Variants in DLGAP1 observed in about 807,000 individuals in gnomAD.
The protein encoded by DLGAP1 is disks large-associated protein 1.
Under a neutral mutation model 90.8 loss-of-function variants are expected in DLGAP1, and 11 were observed. That is an observed-to-expected ratio of 0.12 (90% CI 0.08 to 0.20). The LOEUF (loss-of-function observed/expected upper bound fraction) is 0.20, where lower values mean the gene tolerates loss of function less well. DLGAP1 is among the 10% of genes least tolerant of loss of function. DLGAP1 has a pLI of 1.00. For missense variants in DLGAP1, 1,050 were observed against 1,333.8 expected (o/e 0.79, Z 3.31); for synonymous variants, 558 against 540.7 (o/e 1.03, Z -0.44).
At chr18:4,215,273 G>A (rs762979206) in intron 1 of DLGAP1, among the ~76,000 whole-genome samples, 19 of 152,022 alleles carry the variant, frequency 1.2e-4, no homozygotes, top group Non-Finnish European at 1.9e-4. Context: ...GTATCACCAC[G>A]AAGTATCTTA....
rs144373294 is a variant in DLGAP1 at position 3,497,127 on chromosome 18, G to C, written c.*2058C>G. On this transcript the variant is annotated 3_prime_UTR_variant, in exon 13 of 13. Transcript: ENST00000315677. The stretch of plus-strand genomic sequence containing the variant: ...AACGCTGCTTCTTTCATATTAATCT[G>C]TGAGTTCCAAGTCATTCTCAGTATT... The C allele has an allele frequency of 1.3e-5, 2 of 152,166 alleles. No individual in the cohort carries two copies. The highest frequency in any genetic ancestry group is 6.5e-5 in the Admixed American group (1 of 15,274). 9.4% of individuals were successfully genotyped at this position (152,166 alleles called of 1,614,324 possible). A position where few individuals can be genotyped will look rare whatever the true frequency, so the allele number is the denominator to read the frequency against.
In DLGAP1 at chr18:3,542,635, C is replaced by T. The variant is rs554726985; in HGVS notation, c.2058-8020G>A. Among the ~76,000 whole-genome samples the T allele has an allele frequency of 1.1e-4, 16 of 152,306 alleles. No homozygotes were observed. The South Asian group carries it at 3.3e-3, about 32-fold the overall frequency. Reference sequence around the variant, plus strand: ...TGTTATGAGACCAGTAGCTTCTTTGCATACCCCCAAGAATGACAGTTGTCA... The same window carrying T: ...TGTTATGAGACCAGTAGCTTCTTTGTATACCCCCAAGAATGACAGTTGTCA... On this transcript the variant is annotated intron_variant, in intron 9 of 12. Coordinates refer to ENST00000315677, the MANE Select transcript of DLGAP1 (RefSeq NM_004746.4).
chr18:4,303,820 A>T (rs1366612183), intron 1 of DLGAP1, among the ~76,000 whole-genome samples: 1 of 152,220 alleles, frequency 6.6e-6, no homozygotes. Context: ...TATTAGAAGA[A>T]GGAGAAATGC....
chr18:3,761,616 C>T (rs1215277160), intron 5 of DLGAP1, among the ~76,000 whole-genome samples: 3 of 151,346 alleles, frequency 2.0e-5, no homozygotes, highest in African/African-American at 7.3e-5. Context: ...CACTCTGTTG[C>T]CCAGGCTGGA....
chr18:3,929,009 C>T (rs7234490), intron 3 of DLGAP1, among the ~76,000 whole-genome samples: 4,152 of 152,206 alleles, frequency 0.027, 192 homozygotes, highest in African/African-American at 0.094. Context: ...TTTGCTCTGT[C>T]TTCCTCCTGC....
intron 3 of DLGAP1, among the ~76,000 whole-genome samples, chr18:3,915,288 G>A (rs1157515448): frequency 6.6e-6 from 1 of 152,128 alleles, no homozygotes; most frequent in Non-Finnish European, 1.5e-5. Flanking sequence ...AGTTTAATAA[G>A]CTCAGCTGTG....
chr18:4,173,349 ACAAT>A (rs2077054663), intron 1 of DLGAP1, among the ~76,000 whole-genome samples: 2 of 152,194 alleles, frequency 1.3e-5, no homozygotes, highest in Non-Finnish European at 2.9e-5. Context: ...CCATACAATT[ACAAT>A]CAGTCAAGGT....
chr18:3,756,150 C>T (rs937964383), intron 5 of DLGAP1, among the ~76,000 whole-genome samples: 2 of 151,950 alleles, frequency 1.3e-5, no homozygotes, highest in African/African-American at 2.4e-5. Context: ...CCCGGGTTCA[C>T]GCCATTCTCC....
chr18:3,882,491 T>C (rs1213814772), intron 3 of DLGAP1, among the ~76,000 whole-genome samples: 1 of 147,178 alleles, frequency 6.8e-6, no homozygotes, highest in Non-Finnish European at 1.5e-5. Flanking sequence ...TGCACCGCTA[T>C]ACTTCAGCCT....
intron 1 of DLGAP1, among the ~76,000 whole-genome samples, chr18:4,423,439 G>C (rs142884723): frequency 6.6e-6 from 1 of 152,064 alleles, no homozygotes; most frequent in East Asian, 1.9e-4. Flanking sequence ...CTAAGTGCAC[G>C]GCATTTCACA....
intron 7 of DLGAP1, chr18:3,607,779 T>G (rs1305929155): frequency 1.3e-5 from 2 of 152,140 alleles, no homozygotes; most frequent in Admixed American, 1.3e-4. Context: ...GAGACCCCAG[T>G]ACTGTTGATC....
At chr18:3,760,008 G>A (rs2063889497) in intron 5 of DLGAP1, among the ~76,000 whole-genome samples, 1 of 152,208 alleles carries the variant, frequency 6.6e-6, no homozygotes, top group Admixed American at 6.5e-5. Context: ...GAGGCCTATT[G>A]AAGTGAGGTG....
chr18:4,254,564 A>G (rs1046563655), intron 1 of DLGAP1, among the ~76,000 whole-genome samples: 8 of 152,184 alleles, frequency 5.3e-5, no homozygotes, highest in Non-Finnish European at 7.3e-5. Flanking sequence ...TGCATTTGGG[A>G]GCACTACCCA....
At chr18:3,955,581 G>A (rs1266820092) in intron 3 of DLGAP1, among the ~76,000 whole-genome samples, 1 of 152,150 alleles carries the variant, frequency 6.6e-6, no homozygotes, top group Non-Finnish European at 1.5e-5. Flanking sequence ...GGATGTGGTG[G>A]TGCATGCCTG....
chr18:3,964,229 G>A (rs1018068419), intron 3 of DLGAP1, among the ~76,000 whole-genome samples: 4 of 152,154 alleles, frequency 2.6e-5, no homozygotes, highest in Admixed American at 6.5e-5. Flanking sequence ...AACACCAGAG[G>A]TAAATTTCTT....
chr18:4,027,445 G>A (rs1016232779), intron 2 of DLGAP1, among the ~76,000 whole-genome samples: 41 of 135,772 alleles, frequency 3.0e-4, no homozygotes, highest in African/African-American at 9.4e-4. Flanking sequence ...GGAGGAGGTT[G>A]CAGTGATCCA....
chr18:3,956,224 T>G (rs1467744594), intron 3 of DLGAP1, among the ~76,000 whole-genome samples: 1 of 152,214 alleles, frequency 6.6e-6, no homozygotes. Context: ...GGTGGTAGAT[T>G]GCTCACAGGA....
chr18:4,295,001 TCTC>T (rs2079941900), intron 1 of DLGAP1: 1 of 152,428 alleles, frequency 6.6e-6, no homozygotes, highest in South Asian at 2.1e-4. Flanking sequence ...TTGTTTCCTG[TCTC>T]CTCATCTGCT....
intron 3 of DLGAP1, among the ~76,000 whole-genome samples, chr18:3,895,050 T>TA (rs1339037942): frequency 6.6e-6 from 1 of 152,152 alleles, no homozygotes; most frequent in African/African-American, 2.4e-5. Context: ...TGCCATGTGG[T>TA]AAATTCCTCT....
Sources: gnomAD v4.1 joint callset for allele counts (sites outside exome capture counted in the v4.1 genomes callset) on GRCh38, gnomAD v4.1.1 for gene constraint, MANE v1.5 for transcripts, NCBI Gene and HGNC (gene_info 2026-07-23, HGNC 2026-07-21) for gene names.